The following SLMAP variants were observed in gnomAD, a reference collection of about 807,000 sequenced individuals.
The protein encoded by SLMAP is sarcolemmal membrane-associated protein.
SLMAP carries 44 observed loss-of-function variants against 128.8 expected under a neutral mutation model. That is an observed-to-expected ratio of 0.34 (90% CI 0.27 to 0.44). The LOEUF (loss-of-function observed/expected upper bound fraction) is 0.44, where lower values mean the gene tolerates loss of function less well. Ranked by LOEUF, SLMAP falls within the 20% of genes least tolerant of loss-of-function variation. The pLI is 1.00. For synonymous variants in SLMAP, 327 were observed against 348.8 expected (o/e 0.94, Z 0.70); for missense variants, 787 against 985.3 (o/e 0.80, Z 2.69).
intron 2 of SLMAP, among the ~76,000 whole-genome samples, chr3:57,784,162 C>T (rs571623715): frequency 6.6e-6 from 1 of 152,252 alleles, no homozygotes; most frequent in African/African-American, 2.4e-5. Context: ...CCTAGTGAAG[C>T]TGTGGGAATG....
chr3:57,797,183 TAA>T (rs35969510), intron 2 of SLMAP, among the ~76,000 whole-genome samples: 11 of 102,674 alleles, frequency 1.1e-4, no homozygotes, highest in Middle Eastern at 4.8e-3. Context: ...TCCTGTATCT[TAA>T]AAAAAAAAAA....
chr3:57,884,736 A>G (rs1168409599), intron 14 of SLMAP, among the ~76,000 whole-genome samples: 2 of 152,072 alleles, frequency 1.3e-5, no homozygotes, highest in East Asian at 3.9e-4. Flanking sequence ...TTGAGCCCAG[A>G]AGGTGGAGAT....
intron 14 of SLMAP, among the ~76,000 whole-genome samples, chr3:57,872,534 G>T (rs2095506831): frequency 6.6e-6 from 1 of 152,124 alleles, no homozygotes. Flanking sequence ...CAGGAGAATT[G>T]CTTGAACCCA....
chr3:57,926,484 G>T (rs1420944244), intron 24 of SLMAP, among the ~76,000 whole-genome samples: 2 of 152,122 alleles, frequency 1.3e-5, no homozygotes, highest in Non-Finnish European at 2.9e-5. Context: ...TACTTGCAAG[G>T]ATATAAATGT....
intron 6 of SLMAP, among the ~76,000 whole-genome samples, chr3:57,852,597 A>G (rs1253478486): frequency 6.6e-6 from 1 of 152,228 alleles, no homozygotes; most frequent in African/African-American, 2.4e-5. Flanking sequence ...GTATGCCATA[A>G]ATGTTAGTAG....
chr3:57,926,022 C>T, intron 24 of SLMAP, 88 bp downstream of exon 24: 2 of 935,278 alleles, frequency 2.1e-6, no homozygotes, highest in Non-Finnish European at 3.4e-6. Context: ...CAAGAACACA[C>T]AGGTATTTTG....
Position 57,924,950 on chromosome 3 carries a change from G to T in SLMAP, c.2446-895G>T, listed in dbSNP as rs897982006. On this transcript the variant is annotated intron_variant, in intron 23 of 24. Coordinates refer to ENST00000671191, the MANE Select transcript of SLMAP (RefSeq NM_001377540.1). ...GTATTGTCAGTGTTTTTTGTTTTTT[G>T]TTTTTTGTTTTTTTTTTTTTTGGTG... 5.2e-4 allele frequency among the ~76,000 whole-genome samples: 77 copies of T among 147,760 alleles called. 2 individuals are homozygous for T. The highest frequency in any genetic ancestry group is 8.6e-4 in the South Asian group (4 of 4,668).
chr3:57,886,864 T>C (rs1485385902), intron 14 of SLMAP, among the ~76,000 whole-genome samples: 1 of 152,008 alleles, frequency 6.6e-6, no homozygotes, highest in East Asian at 1.9e-4. Flanking sequence ...TTATATGAAA[T>C]ATCTAGAACG....
chr3:57,864,997 C>A (rs2095255472), intron 12 of SLMAP, 140 bp downstream of exon 12: 2 of 742,282 alleles, frequency 2.7e-6, no homozygotes, highest in African/African-American at 1.8e-5. Flanking sequence ...AGAAAATTTT[C>A]TTTAAAAATA....
At chr3:57,869,411 CT>C (rs1373998977) in intron 13 of SLMAP, among the ~76,000 whole-genome samples, 1 of 151,094 alleles carries the variant, frequency 6.6e-6, no homozygotes, top group Non-Finnish European at 1.5e-5. Flanking sequence ...ACTTTGTATC[CT>C]TTAATCCATT....
chr3:57,867,410 G>T (rs1471542084), intron 13 of SLMAP, among the ~76,000 whole-genome samples: 1 of 151,924 alleles, frequency 6.6e-6, no homozygotes, highest in Non-Finnish European at 1.5e-5. Flanking sequence ...TTTTCATATT[G>T]TATTAATATA....
intron 2 of SLMAP, among the ~76,000 whole-genome samples, chr3:57,782,860 G>A (rs897384425): frequency 2.6e-5 from 4 of 152,140 alleles, no homozygotes; most frequent in African/African-American, 9.7e-5. Context: ...CCCTCTTGCT[G>A]TCTCCCTGTC....
rs1198105184 is a variant in SLMAP, at chr3:57,896,527, A to G, written c.1377A>G (p.Ala459=). The stretch of plus-strand genomic sequence containing the variant: ...TCTTGGTAGAAAATCAGACAAGAGC[A>G]AAAGAATCTGATTTTTCAGATACTC... ...TKLSKENQTR[A]KESDFSDTLS... Residue 459 remains alanine (A), a synonymous_variant, in exon 16 of 25, where the codon GCA becomes GCG. Transcript: ENST00000671191. The G allele has an allele frequency of 6.2e-7, 1 of 1,607,620 alleles. No individual in the cohort carries two copies. The highest frequency in any genetic ancestry group is 8.5e-7 in the Non-Finnish European group (1 of 1,177,956).
At chr3:57,873,243 C>T (rs1045069391) in intron 14 of SLMAP, among the ~76,000 whole-genome samples, 1 of 152,198 alleles carries the variant, frequency 6.6e-6, no homozygotes, top group African/African-American at 2.4e-5. Context: ...TGGCTCACGC[C>T]TGTAATCCCA....
chr3:57,843,750 T>G (rs1238450168), intron 4 of SLMAP, among the ~76,000 whole-genome samples: 4 of 149,208 alleles, frequency 2.7e-5, no homozygotes, highest in South Asian at 2.1e-4. Context: ...TTCTCTCCCT[T>G]TCTCTCTCTT....
intron 2 of SLMAP, among the ~76,000 whole-genome samples, chr3:57,828,607 G>A (rs1457869133): frequency 3.9e-5 from 6 of 152,128 alleles, no homozygotes; most frequent in South Asian, 2.1e-4. Flanking sequence ...TAAGGACTTC[G>A]GATTTTATTC....
chr3:57,778,515 TGCTTG>T (rs1458487908), intron 2 of SLMAP, among the ~76,000 whole-genome samples: 1 of 151,204 alleles, frequency 6.6e-6, no homozygotes, highest in Non-Finnish European at 1.5e-5. Context: ...TCCTTGTTTC[TGCTTG>T]CTTTGTGTTT....
At chr3:57,818,700 G>T (rs968407317) in intron 2 of SLMAP, among the ~76,000 whole-genome samples, 1 of 152,268 alleles carries the variant, frequency 6.6e-6, no homozygotes, top group East Asian at 1.9e-4. Context: ...AGTGATTCTG[G>T]ATATAAGTGA....
chr3:57,758,756 C>T (rs2078062192), intron 2 of SLMAP, among the ~76,000 whole-genome samples: 1 of 152,112 alleles, frequency 6.6e-6, no homozygotes, highest in African/African-American at 2.4e-5. Context: ...AAATTAAGAT[C>T]CTTTCCATTT....
Sources: gnomAD v4.1 joint callset for allele counts (sites outside exome capture counted in the v4.1 genomes callset) on GRCh38, gnomAD v4.1.1 for gene constraint, MANE v1.5 for transcripts, NCBI Gene and HGNC (gene_info 2026-07-23, HGNC 2026-07-21) for gene names.